The following OLFM3 variants were observed in gnomAD, a reference collection of about 807,000 sequenced individuals.
OLFM3 encodes the protein noelin-3.
Under a neutral mutation model 48.6 loss-of-function variants are expected in OLFM3, and 20 were observed. That is an observed-to-expected ratio of 0.41 (90% CI 0.29 to 0.60). The LOEUF (loss-of-function observed/expected upper bound fraction) is 0.60. Among genes scored for constraint, OLFM3 ranks in the 20% least tolerant of loss-of-function variants. The probability of loss-of-function intolerance (pLI) is 0.28; values close to 1 mark genes in which losing one functional copy is unlikely to be tolerated. For missense variants in OLFM3, 437 were observed against 544.3 expected (o/e 0.80, Z 1.96); for synonymous variants, 222 against 198.1 (o/e 1.12, Z -1.01).
intron 1 of OLFM3, among the ~76,000 whole-genome samples, chr1:101,886,205 C>T (rs1315997890): frequency 6.6e-6 from 1 of 151,894 alleles, no homozygotes; most frequent in Non-Finnish European, 1.5e-5. Flanking sequence ...TCCCCACAAC[C>T]ACCCAAGATT....
chr1:101,842,283 C>T (rs1306043013), intron 1 of OLFM3, among the ~76,000 whole-genome samples: 1 of 152,052 alleles, frequency 6.6e-6, no homozygotes, highest in Non-Finnish European at 1.5e-5. Context: ...TCTATAATCC[C>T]AACACTTTGG....
intron 1 of OLFM3, among the ~76,000 whole-genome samples, chr1:101,940,468 A>G (rs919046309): frequency 3.2e-4 from 47 of 148,826 alleles, no homozygotes; most frequent in Non-Finnish European, 5.9e-4. Context: ...TCTATTATCT[A>G]TCTTTCTAAT....
chr1:101,948,670 C>T (rs1660031033), intron 1 of OLFM3, among the ~76,000 whole-genome samples: 1 of 151,890 alleles, frequency 6.6e-6, no homozygotes, highest in Admixed American at 6.6e-5. Context: ...TGAAAACATA[C>T]CTCCATTCCC....
At chr1:101,904,371 T>C (rs533073467) in intron 1 of OLFM3, among the ~76,000 whole-genome samples, 3 of 152,226 alleles carry the variant, frequency 2.0e-5, no homozygotes, top group African/African-American at 7.2e-5. Context: ...AAGTTATTTG[T>C]AACATTTAGT....
At chr1:101,978,150 C>T (rs769003820) in intron 1 of OLFM3, among the ~76,000 whole-genome samples, 23 of 152,146 alleles carry the variant, frequency 1.5e-4, no homozygotes, top group Admixed American at 4.6e-4. Context: ...TTTATGTAGT[C>T]CCTTGAGGGA....
Position 101,804,610 on chromosome 1 carries a change from C to T in OLFM3, c.1005G>A (p.Gly335=). 6.2e-7 allele frequency: 1 copy of T among 1,612,524 alleles called. No individual in the cohort carries two copies. The highest frequency in any genetic ancestry group is 8.5e-7 in the Non-Finnish European group (1 of 1,179,162). ...GGTTAGTTGCATACACAGCCCACAG[C>T]CCGATTTCATCAGCCATTAGGTCGA... ...SDIDLMADEI[G]LWAVYATNQN... Residue 335 remains glycine (G), a synonymous_variant, in exon 6 of 6, where the codon GGG becomes GGA. Transcript: ENST00000370103. This position sits in a 1 kb window ranked among gnomAD's most constrained non-coding sequence, Gnocchi z 4.5.
intron 1 of OLFM3, among the ~76,000 whole-genome samples, chr1:101,995,857 T>C (rs1661542580): frequency 6.6e-6 from 1 of 152,236 alleles, no homozygotes; most frequent in Admixed American, 6.5e-5. Flanking sequence ...CTTACTCTTT[T>C]TCACCAGGTG....
chr1:101,872,855 A>G (rs995909321), intron 1 of OLFM3, among the ~76,000 whole-genome samples: 1 of 151,860 alleles, frequency 6.6e-6, no homozygotes, highest in African/African-American at 2.4e-5. Context: ...ATTGTCTAGC[A>G]CTCTATATCT....
chr1:101,811,226 C>G (rs1654032021), intron 4 of OLFM3, among the ~76,000 whole-genome samples: 1 of 152,030 alleles, frequency 6.6e-6, no homozygotes, highest in African/African-American at 2.4e-5. Context: ...AGCGGAAACA[C>G]AATCTGTAAA....
chr1:101,892,650 T>C lies in OLFM3; in HGVS notation c.70-55625A>G, dbSNP rs573625317. On this transcript the variant is annotated intron_variant, in intron 1 of 5. Coordinates refer to ENST00000370103, the MANE Select transcript of OLFM3 (RefSeq NM_058170.4). Reference sequence around the variant, plus strand: ...TAATGTCCAAGGCTATTAAAGAAACTACATGATTTTCCTTACTCTTACTTT... The same window carrying C: ...TAATGTCCAAGGCTATTAAAGAAACCACATGATTTTCCTTACTCTTACTTT... Among the ~76,000 whole-genome samples, 4 of 152,152 alleles carry C rather than the reference T, an allele frequency of 2.6e-5. No homozygotes were observed. The South Asian group carries it at 8.3e-4, about 32-fold the overall frequency.
chr1:101,877,912 T>C (rs983500620), intron 1 of OLFM3, among the ~76,000 whole-genome samples: 1 of 151,882 alleles, frequency 6.6e-6, no homozygotes, highest in Non-Finnish European at 1.5e-5. Flanking sequence ...TAGAGTTTGC[T>C]AGATAAGTTT....
At chr1:101,933,201 C>CAAAAAAAAAAAAAAA (rs761881274) in intron 1 of OLFM3, among the ~76,000 whole-genome samples, 6 of 40,126 alleles carry the variant, frequency 1.5e-4, no homozygotes, top group Admixed American at 4.5e-4. Flanking sequence ...GACTCCATCT[C>CAAAAAAAAAAAAAAA]AAAAAAAAAA....
chr1:101,925,187 G>C (rs1659232231), intron 1 of OLFM3, among the ~76,000 whole-genome samples: 1 of 152,014 alleles, frequency 6.6e-6, no homozygotes, highest in Admixed American at 6.6e-5. Flanking sequence ...GTGCCAGAGA[G>C]GGAATAGTGG....
chr1:101,818,228 C>T (rs1346254169), intron 4 of OLFM3, among the ~76,000 whole-genome samples: 1 of 151,988 alleles, frequency 6.6e-6, no homozygotes, highest in Non-Finnish European at 1.5e-5. Flanking sequence ...TTTTACAATT[C>T]CTACTTGACT....
At chr1:101,841,204 G>A (rs922237418) in intron 1 of OLFM3, among the ~76,000 whole-genome samples, 1 of 152,038 alleles carries the variant, frequency 6.6e-6, no homozygotes, top group African/African-American at 2.4e-5. Context: ...AAACTACCTT[G>A]CATTTCAATA....
At chr1:101,819,472 A>G (rs1359135388) in intron 4 of OLFM3, among the ~76,000 whole-genome samples, 2 of 152,146 alleles carry the variant, frequency 1.3e-5, no homozygotes, top group African/African-American at 2.4e-5. Context: ...TCAGGAGGCC[A>G]TTTGAGTAAT....
At chr1:101,903,192 C>G (rs1299113121) in intron 1 of OLFM3, among the ~76,000 whole-genome samples, 1 of 151,912 alleles carries the variant, frequency 6.6e-6, no homozygotes, top group Non-Finnish European at 1.5e-5. Context: ...ACACTGGAGT[C>G]CAGTCTGAAT....
Position 101,825,210 on chromosome 1 carries a change from C to T in OLFM3, c.408G>A (p.Leu136=), listed in dbSNP as rs1654805227. The T allele has an allele frequency of 3.1e-6, 5 of 1,614,012 alleles. No homozygotes were observed. The highest frequency in any genetic ancestry group is 4.2e-6 in the Non-Finnish European group (5 of 1,179,944). The change falls in exon 4 of 6, where the codon TTG becomes TTA. Residue 136 remains leucine, a synonymous_variant. Transcript: ENST00000370103. Reference sequence around the variant, plus strand: ...TTTTGTACTGTTCCAGCACGGGGATCAAAGGCAGGAGCTCGTCCATTTTCT... The same window carrying T: ...TTTTGTACTGTTCCAGCACGGGGATTAAAGGCAGGAGCTCGTCCATTTTCT... The part of the protein sequence containing the change: ...LKEKMDELLP[L]IPVLEQYKTD...
At chr1:101,892,080 A>G (rs1394303230) in intron 1 of OLFM3, among the ~76,000 whole-genome samples, 3 of 152,030 alleles carry the variant, frequency 2.0e-5, no homozygotes, top group Non-Finnish European at 4.4e-5. Flanking sequence ...TTCAAGCTTC[A>G]TATTTTCTGT....
Sources: gnomAD v4.1 joint callset for allele counts (sites outside exome capture counted in the v4.1 genomes callset) on GRCh38, gnomAD v4.1.1 for gene constraint, Gnocchi (gnomAD v3.1) non-coding constraint, MANE v1.5 for transcripts, NCBI Gene and HGNC (gene_info 2026-07-23, HGNC 2026-07-21) for gene names.